The following BANP variants were observed in gnomAD, a reference collection of about 807,000 sequenced individuals.
BANP encodes protein BANP.
A neutral mutation model predicts 68.1 loss-of-function variants in BANP; 11 were observed. The observed-to-expected ratio is 0.16, with a 90% CI of 0.10 to 0.27. The LOEUF (loss-of-function observed/expected upper bound fraction) is 0.27. Ranked by LOEUF, BANP falls within the 10% of genes least tolerant of loss-of-function variation. BANP has a pLI of 1.00. For missense variants in BANP, 504 were observed against 722.7 expected, an observed-to-expected ratio of 0.70 and a Z score of 3.47; for synonymous variants, 329 against 303.2, an observed-to-expected ratio of 1.09 and a Z score of -0.88.
At chr16:88,019,769 GCTC>G (rs1567774199) in intron 7 of BANP, among the ~76,000 whole-genome samples, 2 of 152,156 alleles carry the variant, frequency 1.3e-5, no homozygotes, top group African/African-American at 2.4e-5. Context: ...AAAGAGCCTT[GCTC>G]CTCTGGGAAG....
In BANP at chr16:88,033,283, G is replaced by T. The variant is rs376449410; in HGVS notation, c.1200+38G>T. The T allele has an allele frequency of 3.8e-5, 57 of 1,501,778 alleles. No homozygotes were observed. In the African/African-American group the frequency reaches 6.7e-4, roughly 18 times the overall value. The allele number at this position is 1,501,778 out of a possible 1,614,324, so 93.0% of individuals were successfully genotyped here. On this transcript the variant is annotated intron_variant, in intron 9 of 13. Coordinates refer to ENST00000682872, the MANE Select transcript of BANP (RefSeq NM_001386991.1). Reference sequence around the variant, plus strand: ...TCCACCTCACACCTTGGGAAAGGGGGCTGCGGGGTGGGCCACGGCAGGGCC... The same window carrying T: ...TCCACCTCACACCTTGGGAAAGGGGTCTGCGGGGTGGGCCACGGCAGGGCC...
At chr16:87,992,281 G>A (rs532155697) in intron 4 of BANP, among the ~76,000 whole-genome samples, 12 of 152,218 alleles carry the variant, frequency 7.9e-5, no homozygotes, top group South Asian at 4.1e-4. Flanking sequence ...GAGTTTTTGC[G>A]TCTGTGTTTG....
rs1392340958 is a variant in BANP, at chr16:88,004,245, T to G, written c.363-50T>G. 2.7e-6 allele frequency: 3 copies of G among 1,091,830 alleles called. No individual in the cohort carries two copies. Among genetic ancestry groups the G allele is most frequent in the South Asian group, 1.3e-5 (1 of 74,716 alleles). The allele number at this position is 1,091,830 out of a possible 1,614,324, so 67.6% of individuals were successfully genotyped here. Reference sequence around the variant, plus strand: ...GACTCTTATGTGCTCTTACCATGAATGTTGTTGTTTTAAGGCCTTCTTTTT... The same window carrying G: ...GACTCTTATGTGCTCTTACCATGAAGGTTGTTGTTTTAAGGCCTTCTTTTT... On this transcript the variant is annotated intron_variant, in intron 4 of 13. Coordinates refer to ENST00000682872, the MANE Select transcript of BANP (RefSeq NM_001386991.1). The surrounding 1 kb of genome is among the most constrained non-coding windows in gnomAD (Gnocchi z 7.0).
chr16:88,004,229 G>A lies in BANP; in HGVS notation c.363-66G>A, dbSNP rs748798568. 4.7e-5 allele frequency: 46 copies of A among 971,484 alleles called. No homozygotes were observed. Among genetic ancestry groups the A allele is most frequent in the Non-Finnish European group, 6.7e-5 (42 of 625,008 alleles). The allele number at this position is 971,484 out of a possible 1,614,324, so 60.2% of individuals were successfully genotyped here. ...GTGGACTGTGTTGAATGACTCTTATGTGCTCTTACCATGAATGTTGTTGTT... is the reference window on the plus strand; with the variant it reads ...GTGGACTGTGTTGAATGACTCTTATATGCTCTTACCATGAATGTTGTTGTT... On this transcript the variant is annotated intron_variant, in intron 4 of 13. Transcript: ENST00000682872. This position sits in a 1 kb window ranked among gnomAD's most constrained non-coding sequence, Gnocchi z 7.0.
At chr16:87,967,747 G>A (rs543812980) in intron 1 of BANP, among the ~76,000 whole-genome samples, 13 of 151,694 alleles carry the variant, frequency 8.6e-5, no homozygotes, top group East Asian at 5.9e-4. Flanking sequence ...TCAGCCTCCC[G>A]AGTAGCTGGG....
intron 4 of BANP, among the ~76,000 whole-genome samples, chr16:87,989,552 G>C (rs1036503694): frequency 6.6e-6 from 1 of 151,790 alleles, no homozygotes; most frequent in African/African-American, 2.4e-5. Context: ...ATGCAGGCCC[G>C]CGTGGCTGTG....
intron 11 of BANP, among the ~76,000 whole-genome samples, chr16:88,042,667 A>G (rs2081113513): frequency 6.6e-6 from 1 of 152,078 alleles, no homozygotes; most frequent in Non-Finnish European, 1.5e-5. Context: ...CTGTAATCCC[A>G]GTACTTTGGG....
chr16:88,052,815 C>A (rs960276600), intron 11 of BANP, among the ~76,000 whole-genome samples: 1 of 151,844 alleles, frequency 6.6e-6, no homozygotes, highest in Non-Finnish European at 1.5e-5. Flanking sequence ...CTACCACTAC[C>A]GCCTTCACCA....
At chr16:87,968,641 G>A (rs928746862) in intron 1 of BANP, among the ~76,000 whole-genome samples, 2 of 152,122 alleles carry the variant, frequency 1.3e-5, no homozygotes, top group African/African-American at 2.4e-5. Flanking sequence ...GAGGACGCAG[G>A]TTTAGTGTCA....
intron 4 of BANP, among the ~76,000 whole-genome samples, chr16:87,987,740 G>T (rs1180446823): frequency 6.1e-5 from 3 of 49,080 alleles, no homozygotes; most frequent in South Asian, 3.9e-4. Context: ...AAAAAAAAAA[G>T]GATGTTATTA....
At chr16:87,986,307 T>C (rs2064400452) in intron 4 of BANP, among the ~76,000 whole-genome samples, 1 of 152,264 alleles carries the variant, frequency 6.6e-6, no homozygotes, top group Non-Finnish European at 1.5e-5. Flanking sequence ...GGCAGGTCAT[T>C]GTCACCACTT....
chr16:87,959,112 C>T (rs546345008), intron 1 of BANP, among the ~76,000 whole-genome samples: 4 of 152,288 alleles, frequency 2.6e-5, no homozygotes, highest in Admixed American at 1.3e-4. Context: ...CGGGATGGCA[C>T]GCTTTTCTGT....
chr16:87,951,046 G>C (rs1301004490), upstream of BANP: 2 of 152,274 alleles, frequency 1.3e-5, no homozygotes, highest in African/African-American at 2.4e-5. Context: ...GTCCCGGCAG[G>C]CATGGCCCAG....
intron 5 of BANP, 94 bp from the exon 6 acceptor site, chr16:88,005,996 C>G (rs1018222772): frequency 2.2e-5 from 33 of 1,486,214 alleles, no homozygotes; most frequent in Middle Eastern, 4.8e-4. Context: ...CTGGTCCACA[C>G]AGAGTTAGAT....
chr16:88,035,060 G>A (rs57644668), intron 9 of BANP: 1 of 461,072 alleles, frequency 2.2e-6, no homozygotes, highest in African/African-American at 2.0e-5. Context: ...AGCATATATG[G>A]GGTTCAGCAC....
At chr16:88,034,845 C>A (rs969774352) in intron 9 of BANP, among the ~76,000 whole-genome samples, 6 of 152,192 alleles carry the variant, frequency 3.9e-5, no homozygotes, top group African/African-American at 1.4e-4. Flanking sequence ...CTTTCCCAGG[C>A]TTTAATTACC....
At chr16:87,972,584 T>G (rs2061330523) in intron 1 of BANP, among the ~76,000 whole-genome samples, 1 of 152,172 alleles carries the variant, frequency 6.6e-6, no homozygotes, top group Non-Finnish European at 1.5e-5. Context: ...TTTATATGAT[T>G]TTTGCTTTTC....
At chr16:88,051,026 C>T (rs72818547) in intron 11 of BANP, among the ~76,000 whole-genome samples, 14,638 of 152,200 alleles carry the variant, frequency 0.096, 1,289 homozygotes, top group African/African-American at 0.24. Context: ...TTGCAGAGAT[C>T]CCAGAACCCC....
At chr16:88,019,266 C>T (rs1176638900) in intron 7 of BANP, among the ~76,000 whole-genome samples, 5 of 152,286 alleles carry the variant, frequency 3.3e-5, no homozygotes, top group Non-Finnish European at 5.9e-5. Flanking sequence ...GTTTGATGGG[C>T]GCTCAGGTCC....
Sources: gnomAD v4.1 joint callset for allele counts (sites outside exome capture counted in the v4.1 genomes callset) on GRCh38, gnomAD v4.1.1 for gene constraint, Gnocchi (gnomAD v3.1) non-coding constraint, MANE v1.5 for transcripts, NCBI Gene and HGNC (gene_info 2026-07-23, HGNC 2026-07-21) for gene names.